PTPRT: variants seen among roughly 807,000 people sequenced by gnomAD.
The protein encoded by PTPRT is receptor-type tyrosine-protein phosphatase T.
Under a neutral mutation model 176.8 loss-of-function variants are expected in PTPRT, and 56 were observed. The observed-to-expected ratio is 0.32, with a 90% confidence interval of 0.26 to 0.40. The LOEUF (loss-of-function observed/expected upper bound fraction) is 0.40, where lower values mean the gene tolerates loss of function less well. PTPRT is among the 10% of genes least tolerant of loss of function. PTPRT has a pLI of 1.00. For missense variants in PTPRT, 1,540 were observed against 1,908.2 expected (o/e 0.81, Z 3.60); for synonymous variants, 783 against 739.0 (o/e 1.06, Z -0.96).
chr20:42,956,844 T>A (rs1406704147), intron 1 of PTPRT, among the ~76,000 whole-genome samples: 1 of 152,090 alleles, frequency 6.6e-6, no homozygotes, highest in East Asian at 1.9e-4. Context: ...GCCAAGTGAA[T>A]CTAGGAGGCA....
At chr20:42,668,761 G>A (rs998785347) in intron 7 of PTPRT, among the ~76,000 whole-genome samples, 17 of 150,952 alleles carry the variant, frequency 1.1e-4, no homozygotes, top group Admixed American at 8.6e-4. Flanking sequence ...GCACAATCTC[G>A]GCTCACTGCA....
chr20:42,138,983 T>C (rs1231071370), intron 18 of PTPRT, among the ~76,000 whole-genome samples: 2 of 152,200 alleles, frequency 1.3e-5, no homozygotes, highest in Non-Finnish European at 1.5e-5. Context: ...GTTTTCTTCT[T>C]GCGCCAAGAA....
At chr20:42,444,910 G>A (rs1390368776) in intron 9 of PTPRT, among the ~76,000 whole-genome samples, 9 of 152,104 alleles carry the variant, frequency 5.9e-5, no homozygotes. Context: ...GGCTGGATTG[G>A]GTTGAGCCCA....
At chr20:42,937,670 CATTT>C (rs2145985686) in intron 1 of PTPRT, among the ~76,000 whole-genome samples, 1 of 152,344 alleles carries the variant, frequency 6.6e-6, no homozygotes, top group Non-Finnish European at 1.5e-5. Context: ...CTTCAATCTT[CATTT>C]GACACTGATG....
chr20:42,359,387 G>T (rs1367916356), intron 9 of PTPRT, among the ~76,000 whole-genome samples: 2 of 152,154 alleles, frequency 1.3e-5, no homozygotes, highest in East Asian at 3.9e-4. Context: ...AGAAGAATGA[G>T]GTCCCTAGAA....
rs141063165 is a variant in PTPRT at position 42,456,567 on chromosome 20, G to C, written c.1451-8238C>G. 2.4e-3 allele frequency among the ~76,000 whole-genome samples: 369 copies of C among 152,104 alleles called. 2 individuals carry two copies. Among genetic ancestry groups the C allele is most frequent in the African/African-American group, 8.0e-3 (333 of 41,538 alleles). ...AAGAATATTTTGTTTTTTAAATCAT[G>C]CTGAGAATTAACTGATGCTTTTTCT... is the stretch of plus-strand genomic sequence containing the variant. On this transcript the variant is annotated intron_variant, in intron 8 of 30. Transcript: ENST00000373187.
intron 2 of PTPRT, among the ~76,000 whole-genome samples, chr20:42,870,601 C>T (rs2078828686): frequency 1.3e-5 from 2 of 152,218 alleles, no homozygotes; most frequent in Non-Finnish European, 2.9e-5. Context: ...GCTATAGCTT[C>T]TAGGTTTACA....
intron 7 of PTPRT, among the ~76,000 whole-genome samples, chr20:42,605,305 G>A (rs920437254): frequency 1.0e-4 from 15 of 150,542 alleles, no homozygotes; most frequent in Non-Finnish European, 2.1e-4. Flanking sequence ...CACTGCCCTT[G>A]CTTAGGGGCA....
chr20:42,914,547 A>C (rs1978607936), intron 1 of PTPRT, among the ~76,000 whole-genome samples: 1 of 152,238 alleles, frequency 6.6e-6, no homozygotes, highest in Non-Finnish European at 1.5e-5. Context: ...ATGGCCAAGC[A>C]TCAAATGATT....
At chr20:42,338,119 CA>C (rs958155711) in intron 11 of PTPRT, among the ~76,000 whole-genome samples, 107 of 152,326 alleles carry the variant, frequency 7.0e-4, no homozygotes, top group African/African-American at 2.5e-3. Context: ...ATTAACACCT[CA>C]AAGCAAACTA....
At chr20:43,104,686 T>A (rs2146330762) in intron 1 of PTPRT, among the ~76,000 whole-genome samples, 1 of 152,294 alleles carries the variant, frequency 6.6e-6, no homozygotes, top group Middle Eastern at 3.4e-3. Flanking sequence ...CTAAAACAGT[T>A]GCACAGTGTC....
intron 1 of PTPRT, among the ~76,000 whole-genome samples, chr20:43,016,694 C>T (rs1417958994): frequency 6.6e-6 from 1 of 151,514 alleles, no homozygotes; most frequent in Admixed American, 6.6e-5. Context: ...TGCATCACCA[C>T]ACCCAGTTAG....
the PTPRT span, among the ~76,000 whole-genome samples, chr20:42,054,704 CCTT>C: frequency 6.6e-6 from 1 of 152,310 alleles, no homozygotes; most frequent in East Asian, 1.9e-4. Context: ...CACCCACATT[CCTT>C]CTCTCTCTTT....
intron 17 of PTPRT, among the ~76,000 whole-genome samples, chr20:42,148,076 CATT>C (rs1988951761): frequency 6.6e-6 from 1 of 152,136 alleles, no homozygotes; most frequent in Non-Finnish European, 1.5e-5. Context: ...TGGTGGCAGT[CATT>C]AGGCGCTAAT....
chr20:42,350,586 G>T, intron 11 of PTPRT, 42 bp downstream of exon 11: 3 of 1,477,104 alleles, frequency 2.0e-6, no homozygotes, highest in South Asian at 1.1e-5. Flanking sequence ...ATGTGGCACA[G>T]AGAAGAAAAA....
intron 13 of PTPRT, among the ~76,000 whole-genome samples, chr20:42,275,766 A>G (rs917130543): frequency 2.6e-5 from 4 of 152,070 alleles, no homozygotes; most frequent in African/African-American, 9.7e-5. Context: ...GAAAATCTGT[A>G]TTTTTCCATT....
chr20:42,171,623 G>A lies in PTPRT; in HGVS notation c.2492-10081C>T, dbSNP rs150405957. On this transcript the variant is annotated intron_variant, in intron 16 of 30. Coordinates refer to ENST00000373187, the MANE Select transcript of PTPRT (RefSeq NM_007050.6). ...GCATGTGTGCGTGTGTGTGTTTAAG[G>A]CATCAACTACTAGCATAACAAGAAG... is the stretch of plus-strand genomic sequence containing the variant. 2.1e-3 allele frequency among the ~76,000 whole-genome samples: 326 copies of A among 152,060 alleles called. 2 individuals are homozygous for A. Among genetic ancestry groups the A allele is most frequent in the African/African-American group, 7.5e-3 (310 of 41,492 alleles).
intron 1 of PTPRT, among the ~76,000 whole-genome samples, chr20:43,019,393 GGCAGATC>G (rs1985539391): frequency 6.6e-6 from 1 of 151,916 alleles, no homozygotes; most frequent in Non-Finnish European, 1.5e-5. Flanking sequence ...GGTCAAGGCG[GGCAGATC>G]ACGAGGTCAG....
Position 42,617,948 on chromosome 20 carries a change from G to T in PTPRT, c.1153+59918C>A, listed in dbSNP as rs1173845588. ...TTGTATCTCTATTTCCTTCAGTTCT[G>T]CTCTGATTTTAGTTATTTCTTGCCT... On this transcript the variant is annotated intron_variant, in intron 7 of 30. Transcript: ENST00000373187. 2.2e-5 allele frequency among the ~76,000 whole-genome samples: 3 copies of T among 137,170 alleles called. 1 individual carries two copies. The highest frequency in any genetic ancestry group is 4.6e-5 in the Non-Finnish European group (3 of 65,438). The allele number at this position is 137,170 out of a possible 152,430, so 90.0% of individuals were successfully genotyped here. A position where few individuals can be genotyped will look rare whatever the true frequency, so the allele number is the denominator to read the frequency against.
Sources: allele counts gnomAD v4.1 joint callset (sites outside exome capture counted in the v4.1 genomes callset), GRCh38; gene constraint gnomAD v4.1.1; transcripts MANE v1.5; gene names NCBI Gene and HGNC (gene_info 2026-07-23, HGNC 2026-07-21).